The following CSMD3 variants were observed in gnomAD, a reference collection of about 807,000 sequenced individuals.
CSMD3 encodes the protein CUB and Sushi multiple domains 3.
CSMD3 carries 177 observed loss-of-function variants against 435.2 expected under a neutral mutation model. The observed-to-expected ratio is 0.41, with a 90% CI of 0.36 to 0.46. The LOEUF is 0.46. Ranked by LOEUF, CSMD3 falls within the 20% of genes least tolerant of loss-of-function variation. The pLI is 0.34. For synonymous variants in CSMD3, 1,656 were observed against 1,520.5 expected (o/e 1.09, Z -2.07); for missense variants, 4,265 against 4,504.6 (o/e 0.95, Z 1.52).
intron 38 of CSMD3, among the ~76,000 whole-genome samples, chr8:112,364,274 GTTT>G (rs1827542525): frequency 6.6e-6 from 1 of 151,864 alleles, no homozygotes; most frequent in South Asian, 2.1e-4. Context: ...AGATATTCCA[GTTT>G]TTCCTAGGAT....
At chr8:112,549,233 A>G (rs949820835) in intron 27 of CSMD3, among the ~76,000 whole-genome samples, 1 of 152,066 alleles carries the variant, frequency 6.6e-6, no homozygotes, top group African/African-American at 2.4e-5. Flanking sequence ...GCTCTCTGAC[A>G]AATTGTTCCC....
At chr8:112,232,367 G>C (rs1256840017) in intron 68 of CSMD3, among the ~76,000 whole-genome samples, 1 of 152,112 alleles carries the variant, frequency 6.6e-6, no homozygotes, top group East Asian at 1.9e-4. Flanking sequence ...CAACACTTTG[G>C]AAGGCCAAGG....
At chr8:112,458,141 C>T (rs549740782) in intron 32 of CSMD3, among the ~76,000 whole-genome samples, 3 of 151,388 alleles carry the variant, frequency 2.0e-5, no homozygotes, top group South Asian at 2.1e-4. Flanking sequence ...GACATATTAG[C>T]GCAGTATTTT....
intron 12 of CSMD3, among the ~76,000 whole-genome samples, chr8:112,817,116 A>G (rs528780400): frequency 6.6e-6 from 1 of 152,126 alleles, no homozygotes; most frequent in African/African-American, 2.4e-5. Flanking sequence ...TTAATAGAAG[A>G]TATTTTAAAC....
chr8:112,653,473 T>A (rs2131645653), intron 18 of CSMD3, among the ~76,000 whole-genome samples: 1 of 152,208 alleles, frequency 6.6e-6, no homozygotes, highest in African/African-American at 2.4e-5. Context: ...ATTTTCAATT[T>A]TAAAATTTGT....
At chr8:112,866,653 T>A (rs1407836228) in intron 10 of CSMD3, among the ~76,000 whole-genome samples, 1 of 152,122 alleles carries the variant, frequency 6.6e-6, no homozygotes, top group Non-Finnish European at 1.5e-5. Flanking sequence ...TACATTTCTA[T>A]CTATCTTTAC....
chr8:112,930,957 G>C (rs1270050689), intron 9 of CSMD3, among the ~76,000 whole-genome samples: 2 of 151,950 alleles, frequency 1.3e-5, no homozygotes, highest in Non-Finnish European at 2.9e-5. Context: ...ATATTAAGTT[G>C]CTATTGCCAT....
intron 12 of CSMD3, among the ~76,000 whole-genome samples, chr8:112,802,628 T>G (rs2078985828): frequency 6.6e-6 from 1 of 151,992 alleles, no homozygotes; most frequent in East Asian, 1.9e-4. Flanking sequence ...GAGCTTTTAC[T>G]GAGCTGGCAA....
chr8:112,232,054 G>T (rs936519347), intron 68 of CSMD3, among the ~76,000 whole-genome samples: 2 of 152,132 alleles, frequency 1.3e-5, no homozygotes, highest in Non-Finnish European at 2.9e-5. Flanking sequence ...CCTGTGACTT[G>T]CTTGGGCCTA....
chr8:113,162,763 T>C (rs1434640577), intron 4 of CSMD3, among the ~76,000 whole-genome samples: 1 of 152,064 alleles, frequency 6.6e-6, no homozygotes, highest in Admixed American at 6.6e-5. Context: ...AGGGTTGTTA[T>C]ACATAGAATA....
intron 7 of CSMD3, among the ~76,000 whole-genome samples, chr8:112,968,854 C>G (rs989487627): frequency 1.3e-5 from 2 of 151,934 alleles, no homozygotes; most frequent in African/African-American, 2.4e-5. Context: ...ATTTACATGA[C>G]TACTCATAAA....
Position 112,285,642 on chromosome 8 carries a change from C to T in CSMD3, c.9331+1422G>A, listed in dbSNP as rs180919013. ...TCCAATAAAATAATCACAAAAAGAA[C>T]AATTAAGGTCAATACAATAATTTTC... On this transcript the variant is annotated intron_variant, in intron 58 of 70. Transcript: ENST00000297405. Among the ~76,000 whole-genome samples, 453 of 152,128 alleles carry T rather than the reference C, an allele frequency of 3.0e-3. 1 individual carries two copies. Among genetic ancestry groups the T allele is most frequent in the African/African-American group, 9.4e-3 (390 of 41,528 alleles).
At chr8:112,717,149 A>C (rs2076750405) in intron 13 of CSMD3, among the ~76,000 whole-genome samples, 1 of 152,144 alleles carries the variant, frequency 6.6e-6, no homozygotes, top group South Asian at 2.1e-4. Flanking sequence ...AAAATGGGAG[A>C]AATTTTTTGC....
chr8:113,394,504 A>G (rs1034503906), intron 1 of CSMD3, among the ~76,000 whole-genome samples: 10 of 152,136 alleles, frequency 6.6e-5, no homozygotes, highest in African/African-American at 2.4e-4. Context: ...AAAATGCTGG[A>G]TCACATACCA....
intron 1 of CSMD3, among the ~76,000 whole-genome samples, chr8:113,320,821 C>A (rs189393321): frequency 6.0e-4 from 92 of 152,204 alleles, no homozygotes; most frequent in African/African-American, 2.2e-3. Context: ...TTAGCAACCA[C>A]AGATATAGCT....
intron 10 of CSMD3, among the ~76,000 whole-genome samples, chr8:112,877,451 A>C (rs1299126700): frequency 6.6e-6 from 1 of 151,982 alleles, no homozygotes; most frequent in Non-Finnish European, 1.5e-5. Flanking sequence ...TATTTTTAGT[A>C]GAAAAGGGGT....
chr8:112,941,038 T>C (rs1439762396), intron 9 of CSMD3, among the ~76,000 whole-genome samples: 2 of 151,208 alleles, frequency 1.3e-5, no homozygotes, highest in African/African-American at 4.9e-5. Flanking sequence ...GAAAAAAAAA[T>C]TGGGTACTAT....
At chr8:112,745,649 C>G (rs1038860112) in intron 13 of CSMD3, among the ~76,000 whole-genome samples, 1 of 151,716 alleles carries the variant, frequency 6.6e-6, no homozygotes, top group African/African-American at 2.4e-5. Context: ...CAAAAATTTA[C>G]TAATGTCAAT....
At chr8:112,329,296 T>A (rs1450262572) in intron 45 of CSMD3, among the ~76,000 whole-genome samples, 1 of 152,110 alleles carries the variant, frequency 6.6e-6, no homozygotes, top group East Asian at 1.9e-4. Context: ...AAGCGAGAAA[T>A]AAGACCTTTC....
Sources: allele counts gnomAD v4.1 joint callset (sites outside exome capture counted in the v4.1 genomes callset), GRCh38; gene constraint gnomAD v4.1.1; transcripts MANE v1.5; gene names NCBI Gene and HGNC (gene_info 2026-07-23, HGNC 2026-07-21).